Variants in XKR5 observed in about 807,000 individuals in gnomAD.
The protein encoded by XKR5 is XK-related protein 5.
A neutral mutation model predicts 40.8 loss-of-function variants in XKR5; 46 were observed. That is an observed-to-expected ratio of 1.13 (90% CI 0.89 to 1.44). The LOEUF is 1.44. Ranked by LOEUF, XKR5 falls within the 40% of genes most tolerant of loss-of-function variation. The pLI is 0.00. For synonymous variants in XKR5, 466 were observed against 356.1 expected (o/e 1.31, Z -3.48); for missense variants, 1,169 against 844.7 (o/e 1.38, Z -4.76).
At chr8:6,828,105 T>C (rs935652697) in intron 2 of XKR5, among the ~76,000 whole-genome samples, 1 of 152,082 alleles carries the variant, frequency 6.6e-6, no homozygotes, top group African/African-American at 2.4e-5. Context: ...AAATGAAAGA[T>C]GTCTTTTAGA....
At chr8:6,835,345 C>G (rs576321179) in intron 1 of XKR5, 91 bp downstream of exon 1, 131 of 1,283,918 alleles carry the variant, frequency 1.0e-4, no homozygotes, top group Non-Finnish European at 1.3e-4. Flanking sequence ...GGGCAGTGCC[C>G]GCCCGGGCAT....
In XKR5 at chr8:6,811,094, A is replaced by T. The variant is rs1383482427; in HGVS notation, c.*104T>A. 8 of 1,121,882 alleles carry T rather than the reference A, an allele frequency of 7.1e-6. No individual in the cohort carries two copies. The Admixed American group carries it at 8.4e-5, about 12-fold the overall frequency. The allele number at this position is 1,121,882 out of a possible 1,614,324, so 69.5% of individuals were successfully genotyped here. On this transcript the variant is annotated 3_prime_UTR_variant, in exon 7 of 7. Transcript: ENST00000618742. ...AGATGGAGATTCAGAGGTGACAGTG[A>T]TGTGCCCAAGGACACAGGTGTCAGA...
chr8:6,816,458 C>G (rs777417686), intron 5 of XKR5, among the ~76,000 whole-genome samples: 25 of 152,026 alleles, frequency 1.6e-4, no homozygotes, highest in African/African-American at 5.8e-4. Context: ...AGCCTGGCCC[C>G]GTGGCTGCAG....
At position 6,811,924 on chromosome 8, in the gene XKR5, C is replaced by T; in HGVS notation, c.1335G>A (p.Gln445=). 4 of 1,537,396 alleles carry T rather than the reference C, an allele frequency of 2.6e-6. No homozygotes were observed. The highest frequency in any genetic ancestry group is 3.5e-6 in the Non-Finnish European group (4 of 1,146,944). The change falls in exon 7 of 7, where the codon CAG becomes CAA. Residue 445 remains glutamine, a synonymous_variant. Transcript: ENST00000618742. ...AWGLSQQDYL[Q]RKALSAQQEL... ...CTTGCTGGGCAGACAAGGCCTTTCT[C>T]TGCAGGTAGTCCTGTTGACTCAACC...
At chr8:6,835,374 C>T in intron 1 of XKR5, 62 bp downstream of exon 1, 2 of 1,355,646 alleles carry the variant, frequency 1.5e-6, no homozygotes, top group Non-Finnish European at 1.9e-6. Context: ...TGTGCGGCTC[C>T]CGGCGCCGGG....
intron 2 of XKR5, among the ~76,000 whole-genome samples, chr8:6,828,808 A>G (rs771357463): frequency 1.3e-5 from 2 of 152,160 alleles, no homozygotes; most frequent in Non-Finnish European, 2.9e-5. Flanking sequence ...CAGGTCTCCA[A>G]TGCCTGAGGA....
At position 6,825,654 on chromosome 8, in the gene XKR5, C is replaced by G. The variant is rs1320893858; in HGVS notation, c.243-305G>C. Among the ~76,000 whole-genome samples the G allele has an allele frequency of 2.0e-5, 3 of 152,050 alleles. No homozygotes were observed. The East Asian group carries it at 5.8e-4, about 29-fold the overall frequency. ...ATGGCAAGGGAACCCAGACTGCCAGCTCTGTGAAGCTCGGCAATCACCCCG... is the reference window on the plus strand; with the variant it reads ...ATGGCAAGGGAACCCAGACTGCCAGGTCTGTGAAGCTCGGCAATCACCCCG... On this transcript the variant is annotated intron_variant, in intron 2 of 6. Transcript: ENST00000618742.
intron 2 of XKR5, among the ~76,000 whole-genome samples, chr8:6,830,382 A>T (rs1804706889): frequency 6.6e-6 from 1 of 152,228 alleles, no homozygotes; most frequent in African/African-American, 2.4e-5. Flanking sequence ...TGCTAGTTTC[A>T]GGATGAGGAA....
intron 2 of XKR5, among the ~76,000 whole-genome samples, chr8:6,827,658 G>A (rs1417234258): frequency 6.6e-6 from 1 of 152,240 alleles, no homozygotes; most frequent in African/African-American, 2.4e-5. Context: ...AGGGCAGGCA[G>A]TAGTTTTCTT....
rs1035157765 is a variant in XKR5 at position 6,808,605 on chromosome 8, C to G, written c.*2593G>C. On this transcript the variant is annotated 3_prime_UTR_variant, in exon 7 of 7. Transcript: ENST00000618742. ...TTTTCATCACCGGGCAATATGCTTT[C>G]TGGAGGCATGAAGTGAGGAAGCCAT... 1 of 152,148 alleles carries G rather than the reference C, an allele frequency of 6.6e-6. No individual in the cohort carries two copies. Among genetic ancestry groups the G allele is most frequent in the Non-Finnish European group, 1.5e-5 (1 of 68,032 alleles). The allele number at this position is 152,148 out of a possible 1,614,324, so 9.4% of individuals were successfully genotyped here.
intron 3 of XKR5, 85 bp from the exon 4 acceptor site, chr8:6,823,815 T>C (rs1804347601): frequency 4.2e-6 from 5 of 1,178,718 alleles, no homozygotes; most frequent in Non-Finnish European, 6.1e-6. Context: ...GGCATTTCTT[T>C]AATGGGATGT....
rs996211680 is a variant in XKR5 at position 6,809,954 on chromosome 8, TA to T, written c.*1243del. 6.6e-6 allele frequency: 1 copy of T among 151,890 alleles called. No individual in the cohort carries two copies. The highest frequency in any genetic ancestry group is 2.4e-5 in the African/African-American group (1 of 41,328). 9.4% of individuals were successfully genotyped at this position (151,890 alleles called of 1,614,324 possible). A position where few individuals can be genotyped will look rare whatever the true frequency, so the allele number is the denominator to read the frequency against. On this transcript the variant is annotated 3_prime_UTR_variant, in exon 7 of 7. Transcript: ENST00000618742. ...GGCAAGAACCTGTCTCTACAAAAAA[TA>T]CAAAAAAGTAGCCAGGCATGGTGCC... is the stretch of plus-strand genomic sequence containing the variant.
chr8:6,831,701 C>T (rs886174055), intron 2 of XKR5, among the ~76,000 whole-genome samples: 1 of 151,514 alleles, frequency 6.6e-6, no homozygotes, highest in African/African-American at 2.4e-5. Context: ...CCGCTCTGAT[C>T]CCTGAATTTT....
intron 2 of XKR5, among the ~76,000 whole-genome samples, chr8:6,826,341 G>A (rs976328783): frequency 1.3e-5 from 2 of 152,106 alleles, no homozygotes; most frequent in Non-Finnish European, 2.9e-5. Context: ...GTGTGTGTGT[G>A]TGCACGCATG....
Position 6,811,372 on chromosome 8 carries a change from C to G in XKR5, c.1887G>C (p.Pro629=), listed in dbSNP as rs552537442. Residue 629 remains proline (P), a synonymous_variant, in exon 7 of 7, where the codon CCG becomes CCC. Coordinates refer to ENST00000618742, the MANE Select transcript of XKR5 (RefSeq NM_207411.5). ...GACTTAGCTCCCTTTTGGGCTCCAG[C>G]GGCTCCTCTAGCTCTGAGATACTGA... The part of the protein sequence containing the change: ...RTLSISELEE[P]LEPKRELSHH... 1 of 1,537,354 alleles carries G rather than the reference C, an allele frequency of 6.5e-7. No individual in the cohort carries two copies. The highest frequency in any genetic ancestry group is 8.7e-7 in the Non-Finnish European group (1 of 1,146,934).
rs138975517 is a variant in XKR5 at position 6,814,458 on chromosome 8, G to T, written c.919+1349C>A. On this transcript the variant is annotated intron_variant, in intron 6 of 6. Transcript: ENST00000618742. ...AGAAACAGAGAACAGAATAATGGTT[G>T]CCAGGAGGGAAGGAGGTGGCAGGGG... 5.9e-3 allele frequency among the ~76,000 whole-genome samples: 905 copies of T among 152,226 alleles called. 10 individuals carry two copies. The highest frequency in any genetic ancestry group is 0.02 in the African/African-American group (846 of 41,544).
chr8:6,827,278 G>A (rs1355161801), intron 2 of XKR5, among the ~76,000 whole-genome samples: 1 of 152,154 alleles, frequency 6.6e-6, no homozygotes, highest in Admixed American at 6.5e-5. Context: ...ACTGGATTCT[G>A]CTTCCCTGTC....
chr8:6,819,789 T>C (rs1226636415), intron 5 of XKR5, among the ~76,000 whole-genome samples: 5 of 152,116 alleles, frequency 3.3e-5, no homozygotes. Flanking sequence ...TATGGTGATA[T>C]TGGCTATCTT....
intron 6 of XKR5, among the ~76,000 whole-genome samples, chr8:6,815,111 C>T (rs1803897832): frequency 6.6e-6 from 1 of 152,326 alleles, no homozygotes; most frequent in East Asian, 1.9e-4. Flanking sequence ...GACGGTCCCA[C>T]CGCAGGCCTG....
Sources: allele counts gnomAD v4.1 joint callset (sites outside exome capture counted in the v4.1 genomes callset), GRCh38; gene constraint gnomAD v4.1.1; transcripts MANE v1.5; gene names NCBI Gene and HGNC (gene_info 2026-07-23, HGNC 2026-07-21).